DENND5B: variants seen among roughly 807,000 people sequenced by gnomAD.
The protein encoded by DENND5B is DENN domain containing 5B.
In DENND5B, 34 loss-of-function variants were observed where a neutral mutation model predicts 140.6. The ratio of observed to expected loss-of-function variants is 0.24; its 90% confidence interval spans 0.18 to 0.32. The LOEUF is 0.32. Ranked by LOEUF, DENND5B falls within the 10% of genes least tolerant of loss-of-function variation. The pLI is 1.00. For missense variants in DENND5B, 1,142 were observed against 1,560.2 expected (o/e 0.73, Z 4.52); for synonymous variants, 551 against 562.1 (o/e 0.98, Z 0.28).
intron 11 of DENND5B, among the ~76,000 whole-genome samples, chr12:31,422,162 G>A (rs1477092418): frequency 1.3e-5 from 2 of 151,490 alleles, no homozygotes; most frequent in Non-Finnish European, 2.9e-5. Context: ...GCTCACTCCT[G>A]TAATCCCAGC....
intron 14 of DENND5B, among the ~76,000 whole-genome samples, chr12:31,407,419 G>A (rs185803680): frequency 4.6e-5 from 7 of 152,250 alleles, no homozygotes; most frequent in African/African-American, 1.7e-4. Flanking sequence ...TTGAGCCACC[G>A]CGCCCGGCCC....
chr12:31,572,537 C>G (rs1003231458), intron 1 of DENND5B, among the ~76,000 whole-genome samples: 2 of 39,454 alleles, frequency 5.1e-5, no homozygotes, highest in Non-Finnish European at 8.8e-5. Context: ...TTTACTCTTT[C>G]TCAAAAAAAA....
intron 10 of DENND5B, 45 bp from the exon 11 acceptor site, chr12:31,423,720 CA>C: frequency 6.4e-7 from 1 of 1,573,712 alleles, no homozygotes; most frequent in Non-Finnish European, 8.7e-7. Flanking sequence ...AATAATTCAT[CA>C]AAAAATAATT....
intron 8 of DENND5B, among the ~76,000 whole-genome samples, chr12:31,431,116 T>C (rs1017411578): frequency 6.6e-6 from 1 of 152,232 alleles, no homozygotes; most frequent in Non-Finnish European, 1.5e-5. Flanking sequence ...CTTCTGAGAT[T>C]ACTACTGTGC....
chr12:31,483,161 C>G (rs964903328), intron 2 of DENND5B, among the ~76,000 whole-genome samples: 3 of 152,214 alleles, frequency 2.0e-5, no homozygotes, highest in Non-Finnish European at 4.4e-5. Context: ...TACTTTCACA[C>G]ACTCTTCCAA....
chr12:31,444,957 G>A (rs1040520624), intron 6 of DENND5B, among the ~76,000 whole-genome samples: 1 of 152,102 alleles, frequency 6.6e-6, no homozygotes, highest in African/African-American at 2.4e-5. Context: ...CCTTACATAC[G>A]CTAAAGCTTC....
At chr12:31,439,929 CAAAAAAAAA>C (rs67272470) in intron 7 of DENND5B, among the ~76,000 whole-genome samples, 41 of 52,294 alleles carry the variant, frequency 7.8e-4, no homozygotes, top group East Asian at 4.6e-3. Flanking sequence ...GACTCCGTCT[CAAAAAAAAA>C]AAAAAAAAAA....
chr12:31,492,373 G>T (rs1180469286), intron 2 of DENND5B, among the ~76,000 whole-genome samples: 1 of 152,144 alleles, frequency 6.6e-6, no homozygotes, highest in East Asian at 1.9e-4. Flanking sequence ...ATGAAGGGTG[G>T]CATTTTGTTC....
intron 8 of DENND5B, among the ~76,000 whole-genome samples, chr12:31,429,006 C>T (rs1014879780): frequency 3.9e-5 from 6 of 152,028 alleles, no homozygotes; most frequent in African/African-American, 1.4e-4. Context: ...GCTGGGATTA[C>T]AGGTGTGAGC....
intron 1 of DENND5B, among the ~76,000 whole-genome samples, chr12:31,579,392 T>A (rs1049043344): frequency 5.3e-5 from 8 of 152,174 alleles, no homozygotes; most frequent in African/African-American, 1.9e-4. Context: ...CCAGGCGCAG[T>A]GGCTCATGCC....
At chr12:31,451,217 A>G (rs901108897) in intron 5 of DENND5B, among the ~76,000 whole-genome samples, 3 of 152,212 alleles carry the variant, frequency 2.0e-5, no homozygotes, top group East Asian at 1.9e-4. Flanking sequence ...GGCTTATTTA[A>G]CCATACTTGA....
intron 1 of DENND5B, among the ~76,000 whole-genome samples, chr12:31,523,415 T>C (rs750854263): frequency 2.6e-5 from 4 of 152,098 alleles, no homozygotes; most frequent in Non-Finnish European, 5.9e-5. Flanking sequence ...AAGACTGAGA[T>C]TGTTTAGGCC....
At chr12:31,481,885 T>G (rs1177903000) in intron 2 of DENND5B, among the ~76,000 whole-genome samples, 2 of 152,104 alleles carry the variant, frequency 1.3e-5, no homozygotes, top group African/African-American at 4.8e-5. Context: ...GCAGCAGGAA[T>G]GTCTCAGGGC....
At chr12:31,408,739 T>G (rs2137509100) in intron 14 of DENND5B, among the ~76,000 whole-genome samples, 1 of 152,306 alleles carries the variant, frequency 6.6e-6, no homozygotes, top group East Asian at 1.9e-4. Flanking sequence ...ATTTTATGTG[T>G]TTTCGTTAAG....
rs56107189 is a variant in DENND5B at position 31,588,723 on chromosome 12, T to C, written c.127+1983A>G. ...TCCATCCCCCATGGTTACGGAGAGA[T>C]GATTGTATTTTCATTATCTCTTTAC... On this transcript the variant is annotated intron_variant, in intron 1 of 20. Transcript: ENST00000389082. 1.8e-3 allele frequency among the ~76,000 whole-genome samples: 274 copies of C among 152,294 alleles called. 1 individual carries two copies. The highest frequency in any genetic ancestry group is 6.5e-3 in the African/African-American group (270 of 41,576).
At chr12:31,496,930 TTGTG>T (rs1160538180) in intron 1 of DENND5B, among the ~76,000 whole-genome samples, 1 of 152,176 alleles carries the variant, frequency 6.6e-6, no homozygotes, top group African/African-American at 2.4e-5. Context: ...TTTTATTGTG[TTGTG>T]TGTTTTCCTA....
At chr12:31,415,574 G>A in intron 11 of DENND5B, 126 bp from the exon 12 acceptor site, 1 of 707,302 alleles carries the variant, frequency 1.4e-6, no homozygotes. Context: ...AGCCCAAAAT[G>A]TCAAAAAACA....
At chr12:31,396,845 C>T (rs138544869) in intron 17 of DENND5B, among the ~76,000 whole-genome samples, 491 of 152,226 alleles carry the variant, frequency 3.2e-3, no homozygotes, top group Non-Finnish European at 5.6e-3. Context: ...TGGCCTCAAA[C>T]TCCTGATCTC....
chr12:31,546,204 A>G (rs1948855816), intron 1 of DENND5B, among the ~76,000 whole-genome samples: 1 of 152,070 alleles, frequency 6.6e-6, no homozygotes, highest in Admixed American at 6.6e-5. Flanking sequence ...AATCTAGGTA[A>G]GTTGGCTTTA....
Sources: gnomAD v4.1 joint callset for allele counts (sites outside exome capture counted in the v4.1 genomes callset) on GRCh38, gnomAD v4.1.1 for gene constraint, MANE v1.5 for transcripts, NCBI Gene and HGNC (gene_info 2026-07-23, HGNC 2026-07-21) for gene names.